Variants in ABTB3 observed in about 807,000 individuals in gnomAD.
ABTB3 encodes ankyrin repeat and BTB domain containing 3, also known as ankyrin repeat- and BTB/POZ domain-containing protein 3.
chr12:107,377,918 C>T, the ABTB3 span, among the ~76,000 whole-genome samples: 4 of 152,104 alleles, frequency 2.6e-5, no homozygotes, highest in African/African-American at 9.7e-5. Context: ...TCGTAGTTTC[C>T]AGAAGGACCA....
chr12:107,563,825 T>A, the ABTB3 span, among the ~76,000 whole-genome samples: 1 of 152,156 alleles, frequency 6.6e-6, no homozygotes, highest in Non-Finnish European at 1.5e-5. Flanking sequence ...AAATGCCTGG[T>A]CATTTGCTGT....
the ABTB3 span, among the ~76,000 whole-genome samples, chr12:107,563,963 G>A: frequency 1.3e-5 from 2 of 152,166 alleles, no homozygotes; most frequent in African/African-American, 2.4e-5. Context: ...AGATTTCCAT[G>A]TTAGTGCATT....
chr12:107,340,894 G>A, the ABTB3 span, among the ~76,000 whole-genome samples: 14 of 152,204 alleles, frequency 9.2e-5, no homozygotes, highest in African/African-American at 3.4e-4. Flanking sequence ...AGAAACAGAA[G>A]GGCGGTGCTG....
the ABTB3 span, among the ~76,000 whole-genome samples, chr12:107,632,126 C>T: frequency 3.3e-5 from 5 of 152,204 alleles, no homozygotes; most frequent in Non-Finnish European, 7.3e-5. Flanking sequence ...GGGGTCTTGC[C>T]TTGCCTGCTT....
chr12:107,627,977 G>A, the ABTB3 span, among the ~76,000 whole-genome samples: 1 of 152,248 alleles, frequency 6.6e-6, no homozygotes, highest in African/African-American at 2.4e-5. Context: ...TGCACAATTA[G>A]CAGTAAGATG....
the ABTB3 span, among the ~76,000 whole-genome samples, chr12:107,478,432 C>T: frequency 2.0e-5 from 3 of 152,138 alleles, no homozygotes; most frequent in Admixed American, 6.5e-5. Context: ...TTGCATCTGG[C>T]ACACAGTAGG....
At chr12:107,549,242 A>G in the ABTB3 span, among the ~76,000 whole-genome samples, 2 of 152,392 alleles carry the variant, frequency 1.3e-5, no homozygotes, top group East Asian at 3.8e-4. Context: ...AAACAGAGTT[A>G]ATAAAACAGA....
the ABTB3 span, chr12:107,612,820 A>G: frequency 6.2e-7 from 1 of 1,613,986 alleles, no homozygotes; most frequent in Non-Finnish European, 8.5e-7. Context: ...CGTGGGGACG[A>G]GGCGATGGTT....
the ABTB3 span, among the ~76,000 whole-genome samples, chr12:107,433,296 CAAAAAAAAAAAA>C: frequency 9.9e-4 from 23 of 23,118 alleles, no homozygotes; most frequent in South Asian, 2.6e-3. Context: ...GACTCCGTCT[CAAAAAAAAAAAA>C]AAAAAAAAAA....
the ABTB3 span, among the ~76,000 whole-genome samples, chr12:107,382,092 A>T: frequency 6.6e-6 from 1 of 152,228 alleles, no homozygotes; most frequent in African/African-American, 2.4e-5. Flanking sequence ...AAATAAATTA[A>T]CAAGAACAAA....
At chr12:107,338,772 G>C in the ABTB3 span, among the ~76,000 whole-genome samples, 3 of 152,172 alleles carry the variant, frequency 2.0e-5, no homozygotes, top group South Asian at 6.2e-4. Context: ...AGTCATCAGA[G>C]GTGATGAGGC....
chr12:107,612,575 A>C, the ABTB3 span, among the ~76,000 whole-genome samples: 49,676 of 152,140 alleles, frequency 0.33, 9,513 homozygotes, highest in African/African-American at 0.54. Context: ...GAAAAGGCCG[A>C]GGAGGCTCCT....
chr12:107,566,160 G>A, the ABTB3 span, among the ~76,000 whole-genome samples: 2 of 152,108 alleles, frequency 1.3e-5, no homozygotes, highest in South Asian at 4.1e-4. Flanking sequence ...CTCTTTTCCT[G>A]CTCTTATCTT....
At chr12:107,430,026 T>C in the ABTB3 span, among the ~76,000 whole-genome samples, 2 of 152,276 alleles carry the variant, frequency 1.3e-5, no homozygotes, top group Non-Finnish European at 2.9e-5. Context: ...TATTTGTGTG[T>C]GAACCTTTCT....
At chr12:107,347,027 T>C in the ABTB3 span, among the ~76,000 whole-genome samples, 1 of 152,238 alleles carries the variant, frequency 6.6e-6, no homozygotes, top group Admixed American at 6.5e-5. Flanking sequence ...CATAGTTTTA[T>C]TTCATCCCTG....
the ABTB3 span, among the ~76,000 whole-genome samples, chr12:107,439,546 A>G: frequency 6.6e-6 from 1 of 151,570 alleles, no homozygotes; most frequent in Non-Finnish European, 1.5e-5. Context: ...CCACCTAATG[A>G]CCCCACCTCT....
chr12:107,495,376 A>C, the ABTB3 span, among the ~76,000 whole-genome samples: 9 of 152,208 alleles, frequency 5.9e-5, no homozygotes, highest in Admixed American at 2.0e-4. Flanking sequence ...GGCTTGGGCC[A>C]GATTGTCCCC....
At chr12:107,624,746 C>T in the ABTB3 span, among the ~76,000 whole-genome samples, 180 of 152,288 alleles carry the variant, frequency 1.2e-3, 1 homozygote, top group African/African-American at 3.8e-3. Flanking sequence ...TGAAGGACAT[C>T]GGAGTTGTTT....
chr12:107,364,964 C>A, the ABTB3 span, among the ~76,000 whole-genome samples: 2 of 152,138 alleles, frequency 1.3e-5, no homozygotes, highest in Admixed American at 1.3e-4. Context: ...AGGTGTTGCT[C>A]TCTGTCACAG....
Sources: gnomAD v4.1 joint callset for allele counts (sites outside exome capture counted in the v4.1 genomes callset) on GRCh38, gnomAD v4.1.1 for gene constraint, MANE v1.5 for transcripts, NCBI Gene and HGNC (gene_info 2026-07-23, HGNC 2026-07-21) for gene names.